LINGO2: variants seen among roughly 807,000 people sequenced by gnomAD.
LINGO2 encodes the protein leucine-rich repeat and immunoglobulin-like domain-containing nogo receptor-interacting protein 2.
Under a neutral mutation model 30.6 loss-of-function variants are expected in LINGO2, and 14 were observed. The observed-to-expected ratio is 0.46, with a 90% CI of 0.30 to 0.72. The LOEUF is 0.72. Ranked by LOEUF, LINGO2 falls within the 30% of genes least tolerant of loss-of-function variation. The probability of loss-of-function intolerance (pLI) is 0.07; values close to 1 mark genes in which losing one functional copy is unlikely to be tolerated. For missense variants in LINGO2, 729 were observed against 751.7 expected (o/e 0.97, Z 0.35); for synonymous variants, 317 against 288.5 (o/e 1.10, Z -1.00).
At chr9:29,115,750 G>C in the LINGO2 span, among the ~76,000 whole-genome samples, 1 of 151,860 alleles carries the variant, frequency 6.6e-6, no homozygotes. Flanking sequence ...GTAATGCATG[G>C]ATACAAAAGT....
the LINGO2 span, among the ~76,000 whole-genome samples, chr9:29,025,830 GT>G: frequency 7.2e-5 from 11 of 152,136 alleles, no homozygotes; most frequent in East Asian, 2.1e-3. Flanking sequence ...CCTGCCCGTG[GT>G]AAACACCATT....
chr9:28,715,344 C>G, the LINGO2 span, among the ~76,000 whole-genome samples: 1 of 152,064 alleles, frequency 6.6e-6, no homozygotes, highest in Non-Finnish European at 1.5e-5. Flanking sequence ...GAAAATAAAC[C>G]ATTATTCCTT....
intron 5 of LINGO2, among the ~76,000 whole-genome samples, chr9:27,971,080 T>C (rs775747352): frequency 1.3e-4 from 20 of 152,002 alleles, no homozygotes; most frequent in Non-Finnish European, 2.5e-4. Context: ...GGTTCTCCTC[T>C]TTTTATTTTT....
chr9:28,558,650 G>C (rs1313770327), intron 1 of LINGO2, among the ~76,000 whole-genome samples: 1 of 152,022 alleles, frequency 6.6e-6, no homozygotes, highest in Non-Finnish European at 1.5e-5. Flanking sequence ...TCCCTGGTGG[G>C]ACAAATCTTA....
At chr9:28,414,072 TAA>T (rs1429499781) in intron 2 of LINGO2, among the ~76,000 whole-genome samples, 2 of 152,076 alleles carry the variant, frequency 1.3e-5, no homozygotes, top group Non-Finnish European at 2.9e-5. Context: ...GCTTGTTTTT[TAA>T]AAAATATTTT....
chr9:28,834,597 G>C, the LINGO2 span, among the ~76,000 whole-genome samples: 4 of 152,090 alleles, frequency 2.6e-5, no homozygotes, highest in Non-Finnish European at 5.9e-5. Context: ...AAGCTACTTA[G>C]TCTGAGCAGA....
intron 2 of LINGO2, among the ~76,000 whole-genome samples, chr9:28,398,321 T>G (rs970541020): frequency 6.6e-6 from 1 of 152,230 alleles, no homozygotes; most frequent in African/African-American, 2.4e-5. Flanking sequence ...GGTAATTTAA[T>G]ATACAAATAT....
chr9:28,959,281 CT>C, the LINGO2 span, among the ~76,000 whole-genome samples: 1 of 151,900 alleles, frequency 6.6e-6, no homozygotes, highest in South Asian at 2.1e-4. Context: ...AAAATTATTT[CT>C]GGAAAATTAT....
chr9:28,610,763 T>C (rs755962279), intron 1 of LINGO2, among the ~76,000 whole-genome samples: 1 of 152,124 alleles, frequency 6.6e-6, no homozygotes. Context: ...AAGTCATATA[T>C]AGAATGGTAG....
chr9:28,164,069 T>A (rs1828361137), intron 4 of LINGO2, among the ~76,000 whole-genome samples: 1 of 152,194 alleles, frequency 6.6e-6, no homozygotes, highest in African/African-American at 2.4e-5. Context: ...TTGGAAACTA[T>A]TTTTGGCTTA....
chr9:28,415,635 T>C (rs1161505953), intron 2 of LINGO2, among the ~76,000 whole-genome samples: 1 of 152,150 alleles, frequency 6.6e-6, no homozygotes, highest in Non-Finnish European at 1.5e-5. Context: ...CCAGTTTAAA[T>C]ATAATCTCAA....
At chr9:27,968,387 G>T (rs1820198728) in intron 5 of LINGO2, among the ~76,000 whole-genome samples, 1 of 151,804 alleles carries the variant, frequency 6.6e-6, no homozygotes, top group Non-Finnish European at 1.5e-5. Flanking sequence ...TAAAATGATG[G>T]CTATAAGAGA....
chr9:28,003,344 TAGATAG>T (rs112550315), intron 5 of LINGO2, among the ~76,000 whole-genome samples: 5 of 103,572 alleles, frequency 4.8e-5, no homozygotes, highest in African/African-American at 2.1e-4. Flanking sequence ...TATAGATATA[TAGATAG>T]ATAGATAGAT....
chr9:29,067,938 T>A, the LINGO2 span, among the ~76,000 whole-genome samples: 4 of 151,730 alleles, frequency 2.6e-5, no homozygotes, highest in African/African-American at 9.7e-5. Context: ...AAAAACTAGT[T>A]TTAGAATAAG....
chr9:28,545,294 T>A (rs1821881754), intron 1 of LINGO2, among the ~76,000 whole-genome samples: 2 of 152,062 alleles, frequency 1.3e-5, no homozygotes, highest in African/African-American at 4.8e-5. Flanking sequence ...TAGAGGCCAG[T>A]CAGGAGACCT....
At chr9:28,554,507 G>A (rs1364409818) in intron 1 of LINGO2, among the ~76,000 whole-genome samples, 1 of 147,380 alleles carries the variant, frequency 6.8e-6, no homozygotes, top group Admixed American at 6.8e-5. Flanking sequence ...AGCAAGTCCT[G>A]AGTGACCTAC....
At position 28,355,392 on chromosome 9, in the gene LINGO2, T is replaced by C. The variant is rs111492065; in HGVS notation, c.-246+17444A>G. On this transcript the variant is annotated intron_variant, in intron 3 of 5. Coordinates refer to ENST00000379992, the Ensembl canonical transcript of LINGO2. ...GTGTGTGTGTGTGTGTGTGTGTGTGTGTGTGTGTGTGTGTGTGTGCATTGC... is the reference window on the plus strand; with the variant it reads ...GTGTGTGTGTGTGTGTGTGTGTGTGCGTGTGTGTGTGTGTGTGTGCATTGC... Among the ~76,000 whole-genome samples the C allele has an allele frequency of 3.3e-3, 499 of 150,450 alleles. 7 individuals are homozygous for C. Among genetic ancestry groups the C allele is most frequent in the African/African-American group, 0.012 (480 of 40,964 alleles).
chr9:28,148,336 C>A lies in LINGO2; in HGVS notation c.-86-135931G>T. ...CTCACAACTCCAGGATGTTTGGACA[C>A]CTCAGCCCCGTGAGGATTCCTCATC... On this transcript the variant is annotated intron_variant, in intron 4 of 5. Coordinates refer to ENST00000379992, the Ensembl canonical transcript of LINGO2. The surrounding 1 kb of genome is among the most constrained non-coding windows in gnomAD (Gnocchi z 5.1). 1 of 926,254 alleles carries A rather than the reference C, an allele frequency of 1.1e-6. No individual in the cohort carries two copies. Among genetic ancestry groups the A allele is most frequent in the East Asian group, 2.6e-5 (1 of 38,024 alleles). 57.4% of individuals were successfully genotyped at this position (926,254 alleles called of 1,614,324 possible).
intron 1 of LINGO2, among the ~76,000 whole-genome samples, chr9:28,598,452 C>A (rs888742384): frequency 6.0e-4 from 82 of 136,496 alleles, no homozygotes; most frequent in South Asian, 2.4e-3. Flanking sequence ...AACAAACAAA[C>A]AAAAAAAACG....
Sources: gnomAD v4.1 joint callset for allele counts (sites outside exome capture counted in the v4.1 genomes callset) on GRCh38, gnomAD v4.1.1 for gene constraint, Gnocchi (gnomAD v3.1) non-coding constraint, MANE v1.5 for transcripts, NCBI Gene and HGNC (gene_info 2026-07-23, HGNC 2026-07-21) for gene names.